The following CBL variants were observed in gnomAD, a reference collection of about 807,000 sequenced individuals.
CBL encodes the protein E3 ubiquitin-protein ligase CBL.
In CBL, 45 loss-of-function variants were observed where a neutral mutation model predicts 96.9. That is an observed-to-expected ratio of 0.46 (90% CI 0.37 to 0.60). The LOEUF (loss-of-function observed/expected upper bound fraction) is 0.60, where lower values mean the gene tolerates loss of function less well. CBL is among the 20% of genes least tolerant of loss of function. The probability of loss-of-function intolerance (pLI) is 0.00; values close to 1 mark genes in which losing one functional copy is unlikely to be tolerated. For missense variants in CBL, 1,024 were observed against 1,143.5 expected (o/e 0.90, Z 1.51); for synonymous variants, 420 against 426.8 (o/e 0.98, Z 0.20).
At position 119,225,049 on chromosome 11, in the gene CBL, G is replaced by GGGGTGT. The variant is rs1555226170; in HGVS notation, c.196-7398_196-7397insGGTGTG. ...CTCCGTTTTATCCTAAACTCTTTGG[G>GGGGTGT]GTGTGTGTGTGTGTGTGTGTGTGTG... On this transcript the variant is annotated intron_variant, in intron 1 of 15. Transcript: ENST00000264033. Among the ~76,000 whole-genome samples, 9 of 148,974 alleles carry GGGGTGT rather than the reference G, an allele frequency of 6.0e-5. No individual in the cohort carries two copies. In the South Asian group the frequency reaches 1.1e-3, roughly 17 times the overall value.
intron 2 of CBL, among the ~76,000 whole-genome samples, chr11:119,259,729 A>G (rs1949738875): frequency 1.3e-5 from 2 of 152,206 alleles, no homozygotes; most frequent in African/African-American, 4.8e-5. Context: ...TGGGTCTCAA[A>G]GAGATGGCAT....
chr11:119,281,422 A>G (rs1949932199), intron 9 of CBL, among the ~76,000 whole-genome samples: 1 of 152,054 alleles, frequency 6.6e-6, no homozygotes, highest in African/African-American at 2.4e-5. Context: ...TAAATTGTTA[A>G]GGCTTCACTG....
chr11:119,225,632 C>G (rs1454581418), intron 1 of CBL, among the ~76,000 whole-genome samples: 5 of 151,742 alleles, frequency 3.3e-5, no homozygotes, highest in Admixed American at 2.6e-4. Flanking sequence ...CTCCTAGGCT[C>G]AAGCGATCTG....
Position 119,300,414 on chromosome 11 carries a change from A to T in CBL, c.*633A>T, listed in dbSNP as rs893955377. On this transcript the variant is annotated 3_prime_UTR_variant, in exon 16 of 16. Coordinates refer to ENST00000264033, the MANE Select transcript of CBL (RefSeq NM_005188.4). The stretch of plus-strand genomic sequence containing the variant: ...TTCTTTCCCCATCAACTCCTTCCTC[A>T]TCCTTCTTGGTGTTCTGTCATGGGC... 3 of 404,636 alleles carry T rather than the reference A, an allele frequency of 7.4e-6. No homozygotes were observed. 25.1% of individuals were successfully genotyped at this position (404,636 alleles called of 1,614,324 possible). A position where few individuals can be genotyped will look rare whatever the true frequency, so the allele number is the denominator to read the frequency against.
chr11:119,223,364 CTTTAT>C (rs1003181996), intron 1 of CBL, among the ~76,000 whole-genome samples: 5 of 149,922 alleles, frequency 3.3e-5, no homozygotes, highest in Non-Finnish European at 5.9e-5. Context: ...TTTTATTTTA[CTTTAT>C]TTTATTTTGT....
At chr11:119,225,637 G>T (rs1355316614) in intron 1 of CBL, among the ~76,000 whole-genome samples, 2 of 151,646 alleles carry the variant, frequency 1.3e-5, no homozygotes, top group Admixed American at 1.3e-4. Context: ...AGGCTCAAGC[G>T]ATCTGCCCAC....
intron 12 of CBL, among the ~76,000 whole-genome samples, chr11:119,295,667 C>T (rs1360810383): frequency 6.6e-6 from 1 of 152,122 alleles, no homozygotes; most frequent in African/African-American, 2.4e-5. Flanking sequence ...ATCAAGGCTG[C>T]AGTGGGTTGT....
At position 119,301,243 on chromosome 11, in the gene CBL, G is replaced by A; in HGVS notation, c.*1462G>A. On this transcript the variant is annotated 3_prime_UTR_variant, in exon 16 of 16. Coordinates refer to ENST00000264033, the MANE Select transcript of CBL (RefSeq NM_005188.4). ...GACATCATTCAGTGAATAAATTACT[G>A]TAGTCAAAGACAGTATGGGCTGGCA... 1 of 233,146 alleles carries A rather than the reference G, an allele frequency of 4.3e-6. No individual in the cohort carries two copies. The highest frequency in any genetic ancestry group is 8.5e-6 in the Non-Finnish European group (1 of 117,998). The allele number at this position is 233,146 out of a possible 1,614,324, so 14.4% of individuals were successfully genotyped here.
At chr11:119,263,191 A>G (rs1949767570) in intron 2 of CBL, among the ~76,000 whole-genome samples, 1 of 152,216 alleles carries the variant, frequency 6.6e-6, no homozygotes, top group South Asian at 2.1e-4. Context: ...GAAAGCGTAG[A>G]TAGAGTGTTT....
rs751978701 is a variant in CBL at position 119,278,291 on chromosome 11, C to T, written c.1221C>T (p.Ser407=). ...TCATGTGCACATCCTGTCTTACATC[C>T]TGGCAGGTACGGATCTAAACAGCGA... ...GHLMCTSCLT[S]WQESEGQGCP... Residue 407 remains serine, a synonymous_variant, in exon 8 of 16, where the codon TCC becomes TCT. Coordinates refer to ENST00000264033, the MANE Select transcript of CBL (RefSeq NM_005188.4). The T allele has an allele frequency of 8.1e-6, 13 of 1,613,888 alleles. No homozygotes were observed. Among genetic ancestry groups the T allele is most frequent in the Non-Finnish European group, 1.0e-5 (12 of 1,179,934 alleles).
At chr11:119,226,408 G>T (rs542263742) in intron 1 of CBL, among the ~76,000 whole-genome samples, 2 of 152,134 alleles carry the variant, frequency 1.3e-5, no homozygotes, top group African/African-American at 4.8e-5. Flanking sequence ...TTTATTATGA[G>T]GCATTATCTT....
chr11:119,294,302 G>A (rs994390012), intron 12 of CBL, among the ~76,000 whole-genome samples: 6 of 151,992 alleles, frequency 3.9e-5, no homozygotes, highest in East Asian at 1.9e-4. Context: ...GGTGGCGGGT[G>A]CCTGTACTCC....
At chr11:119,263,750 TC>T (rs1369700761) in intron 2 of CBL, among the ~76,000 whole-genome samples, 1 of 152,228 alleles carries the variant, frequency 6.6e-6, no homozygotes, top group Non-Finnish European at 1.5e-5. Flanking sequence ...GGAAAACAGT[TC>T]CGTTGTATCT....
In CBL at chr11:119,226,377, G is replaced by C. The variant is rs138878491; in HGVS notation, c.196-6071G>C. On this transcript the variant is annotated intron_variant, in intron 1 of 15. Coordinates refer to ENST00000264033, the MANE Select transcript of CBL (RefSeq NM_005188.4). Reference sequence around the variant, plus strand: ...ATTGAATGCGATTTTTTTGGAAACTGTGCAATCCTTTTATGCAAATTTTAT... The same window carrying C: ...ATTGAATGCGATTTTTTTGGAAACTCTGCAATCCTTTTATGCAAATTTTAT... Among the ~76,000 whole-genome samples the C allele has an allele frequency of 4.9e-4, 74 of 152,216 alleles. 1 individual carries two copies. In the East Asian group the frequency reaches 0.013, roughly 27 times the overall value.
At position 119,265,220 on chromosome 11, in the gene CBL, C is replaced by T. The variant is rs147855859; in HGVS notation, c.444-6515C>T. Among the ~76,000 whole-genome samples, 186 of 152,258 alleles carry T rather than the reference C, an allele frequency of 1.2e-3. 1 individual carries two copies. Among genetic ancestry groups the T allele is most frequent in the South Asian group, 6.0e-3 (29 of 4,834 alleles). The stretch of plus-strand genomic sequence containing the variant: ...TAAAATGAAAGTTTTGTTTCCTTCT[C>T]TTTTTAAATACCATATAAACTTTTT... On this transcript the variant is annotated intron_variant, in intron 2 of 15. Coordinates refer to ENST00000264033, the MANE Select transcript of CBL (RefSeq NM_005188.4).
In CBL at chr11:119,218,940, G is replaced by A. The variant is rs546829605; in HGVS notation, c.195+12328G>A. On this transcript the variant is annotated intron_variant, in intron 1 of 15. Transcript: ENST00000264033. ...CTCATGAAATTCTGAAGAAAGGTCT[G>A]GGCTCAATGGCTCATGCCTGTAATC... 2.0e-5 allele frequency among the ~76,000 whole-genome samples: 3 copies of A among 152,290 alleles called. No homozygotes were observed. The South Asian group carries it at 6.2e-4, about 32-fold the overall frequency.
intron 12 of CBL, among the ~76,000 whole-genome samples, chr11:119,294,167 G>A (rs1003539160): frequency 9.9e-5 from 15 of 152,166 alleles, no homozygotes; most frequent in Admixed American, 9.2e-4. Flanking sequence ...GGTGGCTCAC[G>A]CCTGTAATCC....
intron 12 of CBL, among the ~76,000 whole-genome samples, chr11:119,292,373 C>CT (rs67573240): frequency 0.049 from 7,103 of 143,790 alleles, 527 homozygotes; most frequent in African/African-American, 0.16. Flanking sequence ...ATGCTGATGT[C>CT]TTTTTTTTTT....
Position 119,228,078 on chromosome 11 carries a change from T to A in CBL, c.196-4370T>A, listed in dbSNP as rs111427993. On this transcript the variant is annotated intron_variant, in intron 1 of 15. Coordinates refer to ENST00000264033, the MANE Select transcript of CBL (RefSeq NM_005188.4). ...TCACTCTTTTTTTTTTTTCCTATTC[T>A]AGGAGGCGTCCTCTTCTTTTAAAAT... Among the ~76,000 whole-genome samples the A allele has an allele frequency of 8.4e-3, 1,286 of 152,196 alleles. 22 individuals are homozygous for A. Among genetic ancestry groups the A allele is most frequent in the African/African-American group, 0.029 (1,214 of 41,552 alleles).
Sources: allele counts gnomAD v4.1 joint callset (sites outside exome capture counted in the v4.1 genomes callset), GRCh38; gene constraint gnomAD v4.1.1; transcripts MANE v1.5; gene names NCBI Gene and HGNC (gene_info 2026-07-23, HGNC 2026-07-21).